CNDP1: variants seen among roughly 807,000 people sequenced by gnomAD.
The protein encoded by CNDP1 is beta-Ala-His dipeptidase.
CNDP1 carries 44 observed loss-of-function variants against 58.1 expected under a neutral mutation model. The ratio of observed to expected loss-of-function variants is 0.76; its 90% CI spans 0.60 to 0.97. The LOEUF (loss-of-function observed/expected upper bound fraction) is 0.97. Among genes scored for constraint, CNDP1 ranks in the 50% least tolerant of loss-of-function variants. The probability of loss-of-function intolerance (pLI) is 0.00; values close to 1 mark genes in which losing one functional copy is unlikely to be tolerated. For missense variants in CNDP1, 616 were observed against 655.1 expected, an observed-to-expected ratio of 0.94 and a Z score of 0.65; for synonymous variants, 254 against 252.6, an observed-to-expected ratio of 1.01 and a Z score of -0.05.
At chr18:74,537,228 G>A (rs1386702914) in intron 1 of CNDP1, among the ~76,000 whole-genome samples, 1 of 152,144 alleles carries the variant, frequency 6.6e-6, no homozygotes, top group Non-Finnish European at 1.5e-5. Flanking sequence ...GTCCAGGATG[G>A]TATTGCCTAG....
chr18:74,558,663 G>A lies in CNDP1; in HGVS notation c.154-660G>A, dbSNP rs1048401779. 1.2e-4 allele frequency among the ~76,000 whole-genome samples: 18 copies of A among 151,992 alleles called. 1 individual carries two copies. The East Asian group carries it at 1.7e-3, about 15-fold the overall frequency. The stretch of plus-strand genomic sequence containing the variant: ...CCCACCTGTGCCTCCCAAAGTGCTG[G>A]GATTACAGGTGTGAGCCACCGCACC... On this transcript the variant is annotated intron_variant, in intron 2 of 11. Transcript: ENST00000358821.
At chr18:74,563,015 A>G (rs990468669) in intron 5 of CNDP1, among the ~76,000 whole-genome samples, 2 of 152,146 alleles carry the variant, frequency 1.3e-5, no homozygotes, top group South Asian at 4.1e-4. Flanking sequence ...AGCCCTGTCC[A>G]AGGCTGCAAG....
In CNDP1 at chr18:74,535,949, T is replaced by C. The variant is rs1182512779; in HGVS notation, c.24+1258T>C. On this transcript the variant is annotated intron_variant, in intron 1 of 11. Coordinates refer to ENST00000358821, the MANE Select transcript of CNDP1 (RefSeq NM_032649.6). Reference sequence around the variant, plus strand: ...CAGGAGACCAAGGTGGGAGGATGGCTTGAACCTGGGAGGTCGAGGCTGCAG... The same window carrying C: ...CAGGAGACCAAGGTGGGAGGATGGCCTGAACCTGGGAGGTCGAGGCTGCAG... Among the ~76,000 whole-genome samples the C allele has an allele frequency of 2.0e-5, 3 of 152,188 alleles. No individual in the cohort carries two copies. The East Asian group carries it at 5.8e-4, about 29-fold the overall frequency.
intron 1 of CNDP1, among the ~76,000 whole-genome samples, chr18:74,539,545 C>T (rs1980565096): frequency 6.6e-6 from 1 of 152,200 alleles, no homozygotes; most frequent in African/African-American, 2.4e-5. Context: ...GGAGTTTCCC[C>T]ACCTGCAGGA....
chr18:74,562,974 G>A (rs1215628894), intron 5 of CNDP1, among the ~76,000 whole-genome samples: 1 of 152,124 alleles, frequency 6.6e-6, no homozygotes, highest in African/African-American at 2.4e-5. Flanking sequence ...CTGGGGTCTG[G>A]TTTCATCTCC....
chr18:74,536,220 G>T (rs1489624125), intron 1 of CNDP1, among the ~76,000 whole-genome samples: 1 of 152,016 alleles, frequency 6.6e-6, no homozygotes, highest in Non-Finnish European at 1.5e-5. Flanking sequence ...GTGATTTGTT[G>T]TACAGATTAT....
At chr18:74,566,355 G>A (rs879578876) in intron 5 of CNDP1, among the ~76,000 whole-genome samples, 15 of 152,194 alleles carry the variant, frequency 9.9e-5, no homozygotes, top group Non-Finnish European at 2.1e-4. Context: ...CCCAGAAAAT[G>A]GGTTTTTCTT....
At chr18:74,537,832 A>C (rs569664545) in intron 1 of CNDP1, among the ~76,000 whole-genome samples, 1 of 152,116 alleles carries the variant, frequency 6.6e-6, no homozygotes, top group South Asian at 2.1e-4. Flanking sequence ...CTTTGTCCAC[A>C]CTCCTTGTTT....
At chr18:74,567,151 C>T (rs925472847) in intron 5 of CNDP1, 82 bp from the exon 6 acceptor site, 37 of 1,111,412 alleles carry the variant, frequency 3.3e-5, no homozygotes, top group Admixed American at 2.4e-4. Flanking sequence ...CTGGGAGATA[C>T]AATTCAAGTT....
At chr18:74,584,057 C>A in intron 11 of CNDP1, 1 of 303,030 alleles carries the variant, frequency 3.3e-6, no homozygotes, top group Non-Finnish European at 6.2e-6. Flanking sequence ...GCCCTGTCTC[C>A]AAATACAGAC....
Position 74,583,721 on chromosome 18 carries a change from C to T in CNDP1, c.1457+13C>T. The T allele has an allele frequency of 6.2e-7, 1 of 1,613,830 alleles. No homozygotes were observed. Among genetic ancestry groups the T allele is most frequent in the Non-Finnish European group, 8.5e-7 (1 of 1,179,808 alleles). Reference sequence around the variant, plus strand: ...AGAAAATCAACAGGTCAGCTGATGCCTGTGCAATGTGCCTCTCTCTTCTTC... The same window carrying T: ...AGAAAATCAACAGGTCAGCTGATGCTTGTGCAATGTGCCTCTCTCTTCTTC... On this transcript the variant is annotated intron_variant, in intron 11 of 11. Coordinates refer to ENST00000358821, the MANE Select transcript of CNDP1 (RefSeq NM_032649.6).
At chr18:74,542,020 C>T (rs1980637563) in intron 1 of CNDP1, among the ~76,000 whole-genome samples, 1 of 152,170 alleles carries the variant, frequency 6.6e-6, no homozygotes, top group Admixed American at 6.5e-5. Flanking sequence ...AGGAGGGGTC[C>T]CCTGTGCCTT....
At chr18:74,583,415 A>AC in intron 10 of CNDP1, 146 bp from the exon 11 acceptor site, 4 of 658,352 alleles carry the variant, frequency 6.1e-6, no homozygotes, top group Non-Finnish European at 1.1e-5. Flanking sequence ...GGGCTTCCTT[A>AC]CCCCAAAGCA....
intron 7 of CNDP1, among the ~76,000 whole-genome samples, chr18:74,574,482 A>G (rs530242786): frequency 3.9e-5 from 6 of 152,228 alleles, no homozygotes; most frequent in Non-Finnish European, 8.8e-5. Context: ...TATAAGCAGC[A>G]AATATGTGAT....
At chr18:74,544,567 A>C (rs2144641806) in intron 1 of CNDP1, among the ~76,000 whole-genome samples, 1 of 152,024 alleles carries the variant, frequency 6.6e-6, no homozygotes, top group South Asian at 2.1e-4. Context: ...AAATTCAAAA[A>C]CTTAGCTGGG....
chr18:74,564,685 A>T (rs1981282870), intron 5 of CNDP1, among the ~76,000 whole-genome samples: 2 of 152,166 alleles, frequency 1.3e-5, no homozygotes, highest in Admixed American at 1.3e-4. Flanking sequence ...TGTAGTATAG[A>T]ATTTGCTTTT....
At chr18:74,570,231 T>TAATAATAAA (rs1981442814) in intron 6 of CNDP1, among the ~76,000 whole-genome samples, 1 of 85,802 alleles carries the variant, frequency 1.2e-5, no homozygotes, top group African/African-American at 5.8e-5. Context: ...ATAATAATAA[T>TAATAATAAA]AATAAATAAT....
Position 74,556,426 on chromosome 18 carries a change from T to C in CNDP1, c.113T>C (p.Val38Ala), listed in dbSNP as rs1378900061. ...CCGCCCCCGGCGCTGTTAGAGAAAGTCTTCCAGTACATTGACCTCCATCAG... is the reference window on the plus strand; with the variant it reads ...CCGCCCCCGGCGCTGTTAGAGAAAGCCTTCCAGTACATTGACCTCCATCAG... ...PSPPPALLEK[V>A]FQYIDLHQDE... Residue 38 changes from valine to alanine, a missense_variant, in exon 2 of 12, where the codon GTC (valine) becomes GCC (alanine). Physicochemically the swap from Val to Ala is moderately conservative, Grantham distance 64. Coordinates refer to ENST00000358821, the MANE Select transcript of CNDP1 (RefSeq NM_032649.6). 6 of 1,614,230 alleles carry C rather than the reference T, an allele frequency of 3.7e-6. No individual in the cohort carries two copies. Among genetic ancestry groups the C allele is most frequent in the Non-Finnish European group, 5.1e-6 (6 of 1,180,034 alleles).
At chr18:74,581,174 C>A (rs576005438) in intron 10 of CNDP1, among the ~76,000 whole-genome samples, 1 of 151,196 alleles carries the variant, frequency 6.6e-6, no homozygotes, top group East Asian at 2.0e-4. Flanking sequence ...GAAAATGAGA[C>A]CCATTATATA....
Sources: allele counts gnomAD v4.1 joint callset (sites outside exome capture counted in the v4.1 genomes callset), GRCh38; gene constraint gnomAD v4.1.1; transcripts MANE v1.5; gene names NCBI Gene and HGNC (gene_info 2026-07-23, HGNC 2026-07-21).